The following AMZ1 variants were observed in gnomAD, a reference collection of about 807,000 sequenced individuals.
The protein encoded by AMZ1 is archaemetzincin-1.
In AMZ1, 39 loss-of-function variants were observed where a neutral mutation model predicts 29.9. The ratio of observed to expected loss-of-function variants is 1.30; its 90% CI spans 1.01 to 1.70. The LOEUF is 1.70. Among genes scored for constraint, AMZ1 ranks in the 40% most tolerant of loss-of-function variants. AMZ1 has a pLI of 0.00. For synonymous variants in AMZ1, 458 were observed against 304.0 expected (o/e 1.51, Z -5.27); for missense variants, 1,041 against 680.6 (o/e 1.53, Z -5.89).
upstream of AMZ1, among the ~76,000 whole-genome samples, chr7:2,684,418 G>A (rs1476619400): frequency 6.6e-6 from 1 of 152,194 alleles, no homozygotes; most frequent in East Asian, 1.9e-4. Context: ...CCACCCTGGG[G>A]AAACTGAGGC....
At chr7:2,726,528 A>G (rs1789624139) in intron 4 of AMZ1, among the ~76,000 whole-genome samples, 2 of 152,162 alleles carry the variant, frequency 1.3e-5, no homozygotes, top group Admixed American at 1.3e-4. Flanking sequence ...CCACTACATC[A>G]TCCAGCATGG....
At chr7:2,758,101 G>C (rs1275869941) in intron 4 of AMZ1, among the ~76,000 whole-genome samples, 1 of 152,156 alleles carries the variant, frequency 6.6e-6, no homozygotes, top group African/African-American at 2.4e-5. Context: ...TGTTGCTTCA[G>C]GCTCTTTATG....
rs944363437 is a variant in AMZ1, at chr7:2,745,285, C to T, written n.551-19427C>T. Among the ~76,000 whole-genome samples the T allele has an allele frequency of 1.0e-3, 155 of 152,276 alleles. 1 individual carries two copies. Among genetic ancestry groups the T allele is most frequent in the African/African-American group, 3.7e-3 (154 of 41,548 alleles). Reference sequence around the variant, plus strand: ...AGCCAGAGAGAAAGGTCAGGTTACCCACAAAGGGAAGCCCATCAGACTAAC... The same window carrying T: ...AGCCAGAGAGAAAGGTCAGGTTACCTACAAAGGGAAGCCCATCAGACTAAC... On this transcript the variant is annotated intron_variant and non_coding_transcript_variant, in intron 4 of 4. Transcript: ENST00000489665.
In AMZ1 at chr7:2,719,024, T is replaced by TTTC. The variant is rs1491254982; in HGVS notation, c.*6146_*6147insTTC. Among the ~76,000 whole-genome samples, 5 of 142,262 alleles carry TTTC rather than the reference T, an allele frequency of 3.5e-5. No homozygotes were observed. Among genetic ancestry groups the TTTC allele is most frequent in the African/African-American group, 1.3e-4 (5 of 38,106 alleles). The allele number at this position is 142,262 out of a possible 152,430, so 93.3% of individuals were successfully genotyped here. A position where few individuals can be genotyped will look rare whatever the true frequency, so the allele number is the denominator to read the frequency against. Reference sequence around the variant, plus strand: ...AACAGGCGACTTTTTTTTTTTTTTTTCCCCCCCATCTGAAGTGAGATCAAA... The same window carrying TTTC: ...AACAGGCGACTTTTTTTTTTTTTTTTTTCCCCCCCCATCTGAAGTGAGATCAAA... On this transcript the variant is annotated 3_prime_UTR_variant, in exon 7 of 7. Transcript: ENST00000683327.
downstream of AMZ1, among the ~76,000 whole-genome samples, chr7:2,723,514 G>C (rs1361327525): frequency 1.3e-5 from 2 of 152,238 alleles, no homozygotes; most frequent in African/African-American, 2.4e-5. Flanking sequence ...AAGATCTCCT[G>C]CATCACCCCG....
In AMZ1 at chr7:2,715,557, A is replaced by T. The variant is rs1256743939; in HGVS notation, c.*2679A>T. The T allele has an allele frequency of 6.6e-6, 1 of 152,228 alleles. No homozygotes were observed. The allele number at this position is 152,228 out of a possible 1,614,324, so 9.4% of individuals were successfully genotyped here. On this transcript the variant is annotated 3_prime_UTR_variant, in exon 7 of 7. Coordinates refer to ENST00000683327, the MANE Select transcript of AMZ1 (RefSeq NM_001384743.1). ...TGTGTGTCCCAAAAAAGCGTTTTGA[A>T]GTGGGAAGGAGCAAACCACTAAAAA...
At chr7:2,700,193 G>T (rs1787966263) in intron 1 of AMZ1, 41 bp from the exon 2 acceptor site, 1 of 535,272 alleles carries the variant, frequency 1.9e-6, no homozygotes, top group African/African-American at 1.9e-5. Context: ...CGGGCCCTGT[G>T]TGCTCGGCAG....
chr7:2,693,242 C>G (rs368713547), intron 1 of AMZ1, among the ~76,000 whole-genome samples: 48 of 152,220 alleles, frequency 3.2e-4, no homozygotes, highest in African/African-American at 1.1e-3. Context: ...GCATGCGCCA[C>G]CACGCCCAGC....
chr7:2,731,472 G>T lies in AMZ1; in HGVS notation n.550+21656G>T, dbSNP rs540650945. 6.2e-7 allele frequency: 1 copy of T among 1,613,872 alleles called. No individual in the cohort carries two copies. The highest frequency in any genetic ancestry group is 1.7e-5 in the Admixed American group (1 of 59,992). ...AGAGAATGATGGAGACGTTGAAGAA[G>T]AGCTTGTTGTTGACGATGGTCTCGA... On this transcript the variant is annotated intron_variant and non_coding_transcript_variant, in intron 4 of 4. Transcript: ENST00000489665. This position sits in a 1 kb window ranked among gnomAD's most constrained non-coding sequence, Gnocchi z 6.0.
chr7:2,711,841 T>G (rs1788799461), intron 6 of AMZ1, among the ~76,000 whole-genome samples: 1 of 152,150 alleles, frequency 6.6e-6, no homozygotes, highest in Admixed American at 6.5e-5. Flanking sequence ...GTCAGGAGTT[T>G]GAGACCAGCC....
chr7:2,742,433 T>A (rs1476695544), intron 4 of AMZ1, among the ~76,000 whole-genome samples: 1 of 152,200 alleles, frequency 6.6e-6, no homozygotes, highest in Non-Finnish European at 1.5e-5. Context: ...CACTCCATGC[T>A]TGCTGGTCTG....
chr7:2,755,664 T>C (rs1791258685), intron 4 of AMZ1, among the ~76,000 whole-genome samples: 1 of 152,254 alleles, frequency 6.6e-6, no homozygotes, highest in Non-Finnish European at 1.5e-5. Context: ...TGGGATTTTC[T>C]GTGCCATCTG....
Position 2,717,202 on chromosome 7 carries a change from T to TGC in AMZ1, c.*4325_*4326dup, listed in dbSNP as rs1242214447. ...GTGCCAACGAAAACACCCCCGTGAT[T>TGC]GCTGGGGCTTCACTGATTTGTTTTG... On this transcript the variant is annotated 3_prime_UTR_variant, in exon 7 of 7. Coordinates refer to ENST00000683327, the MANE Select transcript of AMZ1 (RefSeq NM_001384743.1). Among the ~76,000 whole-genome samples the TGC allele has an allele frequency of 1.3e-5, 2 of 152,228 alleles. No homozygotes were observed. Among genetic ancestry groups the TGC allele is most frequent in the African/African-American group, 4.8e-5 (2 of 41,464 alleles).
chr7:2,719,499 C>T lies in AMZ1; in HGVS notation c.*6621C>T, dbSNP rs1789326840. Among the ~76,000 whole-genome samples the T allele has an allele frequency of 6.6e-6, 1 of 152,222 alleles. No individual in the cohort carries two copies. The highest frequency in any genetic ancestry group is 6.5e-5 in the Admixed American group (1 of 15,284). On this transcript the variant is annotated 3_prime_UTR_variant, in exon 7 of 7. Transcript: ENST00000683327. Reference sequence around the variant, plus strand: ...GCCCTAATTACATGAGCTTTGATCACCGCTCGATTGTATGGCACAGTTATT... The same window carrying T: ...GCCCTAATTACATGAGCTTTGATCATCGCTCGATTGTATGGCACAGTTATT...
rs1194490554 is a variant in AMZ1, at chr7:2,716,622, G to A, written c.*3744G>A. On this transcript the variant is annotated 3_prime_UTR_variant, in exon 7 of 7. Coordinates refer to ENST00000683327, the MANE Select transcript of AMZ1 (RefSeq NM_001384743.1). Reference sequence around the variant, plus strand: ...TCCAGGGACACACCTACACGCAGAGGGTCTCCATACAGTGCCAAGGGAGCT... The same window carrying A: ...TCCAGGGACACACCTACACGCAGAGAGTCTCCATACAGTGCCAAGGGAGCT... 1 of 152,190 alleles carries A rather than the reference G, an allele frequency of 6.6e-6. No homozygotes were observed. The highest frequency in any genetic ancestry group is 1.5e-5 in the Non-Finnish European group (1 of 68,030). The allele number at this position is 152,190 out of a possible 1,614,324, so 9.4% of individuals were successfully genotyped here. A position where few individuals can be genotyped will look rare whatever the true frequency, so the allele number is the denominator to read the frequency against.
At position 2,718,468 on chromosome 7, in the gene AMZ1, G is replaced by A. The variant is rs1387655954; in HGVS notation, c.*5590G>A. Among the ~76,000 whole-genome samples the A allele has an allele frequency of 1.3e-5, 2 of 152,208 alleles. No homozygotes were observed. The highest frequency in any genetic ancestry group is 3.9e-4 in the East Asian group (2 of 5,194). On this transcript the variant is annotated 3_prime_UTR_variant, in exon 7 of 7. Coordinates refer to ENST00000683327, the MANE Select transcript of AMZ1 (RefSeq NM_001384743.1). ...CTCCTTCAGTGGTCTGTGACCAGCG[G>A]GAATGAATGGGGACGTGTTTTGTTC...
In AMZ1 at chr7:2,718,182, G is replaced by A. The variant is rs945263562; in HGVS notation, c.*5304G>A. 2.0e-5 allele frequency among the ~76,000 whole-genome samples: 3 copies of A among 152,204 alleles called. No individual in the cohort carries two copies. The highest frequency in any genetic ancestry group is 2.1e-4 in the South Asian group (1 of 4,826). ...TTTAATGAACGCACTTCTGTCACAT[G>A]GAAACTGAGCCCGGCATGGAGTCAC... is the stretch of plus-strand genomic sequence containing the variant. On this transcript the variant is annotated 3_prime_UTR_variant, in exon 7 of 7. Transcript: ENST00000683327.
downstream of AMZ1, among the ~76,000 whole-genome samples, chr7:2,719,864 G>C (rs1056972735): frequency 2.0e-5 from 3 of 152,010 alleles, no homozygotes; most frequent in Non-Finnish European, 4.4e-5. Context: ...TGTATTTTTA[G>C]TAGAAATGGG....
chr7:2,696,006 TGG>T (rs561492178), intron 1 of AMZ1, among the ~76,000 whole-genome samples: 16 of 105,554 alleles, frequency 1.5e-4, no homozygotes, highest in African/African-American at 4.1e-4. Context: ...GAAACTGTCT[TGG>T]GGGGGAAAAA....
Sources: gnomAD v4.1 joint callset for allele counts (sites outside exome capture counted in the v4.1 genomes callset) on GRCh38, gnomAD v4.1.1 for gene constraint, Gnocchi (gnomAD v3.1) non-coding constraint, MANE v1.5 for transcripts, NCBI Gene and HGNC (gene_info 2026-07-23, HGNC 2026-07-21) for gene names.